SPEF2: variants seen among roughly 807,000 people sequenced by gnomAD.
SPEF2 encodes sperm flagellar and cilia associated 2, also known as sperm flagella and cilia-associated protein 2.
Under a neutral mutation model 224.6 loss-of-function variants are expected in SPEF2, and 187 were observed. The ratio of observed to expected loss-of-function variants is 0.83; its 90% CI spans 0.74 to 0.94. The LOEUF (loss-of-function observed/expected upper bound fraction) is 0.94, where lower values mean the gene tolerates loss of function less well. SPEF2 is among the 40% of genes least tolerant of loss of function. SPEF2 has a pLI of 0.00. For missense variants in SPEF2, 2,170 were observed against 2,135.6 expected (o/e 1.02, Z -0.32); for synonymous variants, 715 against 707.3 (o/e 1.01, Z -0.17).
At chr5:35,782,301 A>T (rs928773733) in intron 30 of SPEF2, among the ~76,000 whole-genome samples, 3 of 152,202 alleles carry the variant, frequency 2.0e-5, no homozygotes, top group Non-Finnish European at 4.4e-5. Context: ...CAAATGTGTG[A>T]TCCTGCAGAA....
intron 8 of SPEF2, among the ~76,000 whole-genome samples, chr5:35,661,673 A>G (rs1375933592): frequency 6.6e-6 from 1 of 151,984 alleles, no homozygotes; most frequent in Non-Finnish European, 1.5e-5. Context: ...GAGAACATGC[A>G]GTATTTGGTT....
At chr5:35,674,013 A>G (rs1751543972) in intron 10 of SPEF2, among the ~76,000 whole-genome samples, 1 of 152,174 alleles carries the variant, frequency 6.6e-6, no homozygotes, top group Non-Finnish European at 1.5e-5. Flanking sequence ...TGGCCCAAAG[A>G]CATCCCTGGA....
At chr5:35,619,619 G>A (rs1305924388) in intron 1 of SPEF2, among the ~76,000 whole-genome samples, 2 of 152,128 alleles carry the variant, frequency 1.3e-5, no homozygotes, top group Non-Finnish European at 2.9e-5. Flanking sequence ...AGAGATTGCA[G>A]TGAGCCGAGA....
intron 30 of SPEF2, among the ~76,000 whole-genome samples, 177 bp downstream of exon 30, chr5:35,779,523 A>AAGC (rs1420548091): frequency 5.3e-5 from 8 of 152,354 alleles, no homozygotes; most frequent in South Asian, 2.1e-4. Flanking sequence ...CTAATTAAAC[A>AAGC]AGCAGGACCC....
At chr5:35,693,080 G>A (rs1754760379) in intron 12 of SPEF2, among the ~76,000 whole-genome samples, 1 of 151,996 alleles carries the variant, frequency 6.6e-6, no homozygotes, top group African/African-American at 2.4e-5. Flanking sequence ...TGGTAAGTGG[G>A]GGTGGGTGAA....
In SPEF2 at chr5:35,695,871, C is replaced by T. The variant is rs975471355; in HGVS notation, c.2037+75C>T. On this transcript the variant is annotated intron_variant, in intron 14 of 36. Transcript: ENST00000356031. ...GATTAATGGTGTTTTGGAGTGTCTTCGAATGCAATGAAATTGCAATGTGCT... is the reference window on the plus strand; with the variant it reads ...GATTAATGGTGTTTTGGAGTGTCTTTGAATGCAATGAAATTGCAATGTGCT... 8 of 1,135,662 alleles carry T rather than the reference C, an allele frequency of 7.0e-6. No homozygotes were observed. The East Asian group carries it at 1.1e-4, about 15-fold the overall frequency. The allele number at this position is 1,135,662 out of a possible 1,614,324, so 70.3% of individuals were successfully genotyped here. A position where few individuals can be genotyped will look rare whatever the true frequency, so the allele number is the denominator to read the frequency against.
At chr5:35,792,111 A>G (rs150558604) in intron 30 of SPEF2, among the ~76,000 whole-genome samples, 48 of 152,272 alleles carry the variant, frequency 3.2e-4, no homozygotes, top group African/African-American at 1.1e-3. Context: ...GGATTTAATT[A>G]TTACTAAGCC....
intron 21 of SPEF2, among the ~76,000 whole-genome samples, chr5:35,733,903 T>C (rs1746093259): frequency 6.6e-6 from 1 of 152,226 alleles, no homozygotes; most frequent in African/African-American, 2.4e-5. Flanking sequence ...TTGCCTCATC[T>C]TTAAATAGTA....
At chr5:35,809,432 G>A (rs774936837) in intron 36 of SPEF2, among the ~76,000 whole-genome samples, 18 of 152,022 alleles carry the variant, frequency 1.2e-4, no homozygotes, top group Non-Finnish European at 1.5e-5. Flanking sequence ...TGCCCAAGAA[G>A]GAATAAGCTA....
At chr5:35,635,843 CTTT>C (rs1213170813) in intron 2 of SPEF2, among the ~76,000 whole-genome samples, 1 of 151,548 alleles carries the variant, frequency 6.6e-6, no homozygotes, top group Non-Finnish European at 1.5e-5. Context: ...GTGTGCTGCA[CTTT>C]TTTTTTCTAA....
intron 17 of SPEF2, 143 bp from the exon 18 acceptor site, chr5:35,705,507 TA>T (rs1739570077): frequency 1.8e-6 from 1 of 564,442 alleles, no homozygotes; most frequent in East Asian, 3.7e-5. Flanking sequence ...TTCTTTAATC[TA>T]AAATAAATAA....
At chr5:35,658,230 T>C (rs575287510) in intron 7 of SPEF2, among the ~76,000 whole-genome samples, 1 of 152,344 alleles carries the variant, frequency 6.6e-6, no homozygotes, top group African/African-American at 2.4e-5. Flanking sequence ...CCAGGTCCTC[T>C]GATTCCCAGT....
chr5:35,809,526 C>T (rs551755149), intron 36 of SPEF2, among the ~76,000 whole-genome samples: 85 of 152,098 alleles, frequency 5.6e-4, no homozygotes, highest in Middle Eastern at 3.4e-3. Context: ...GGTAGGGAGG[C>T]AGCAGAGTCC....
intron 30 of SPEF2, chr5:35,781,702 G>C (rs976008298): frequency 3.3e-5 from 5 of 152,172 alleles, no homozygotes; most frequent in Non-Finnish European, 5.9e-5. Context: ...TTCAAAGTGA[G>C]TTATGTATGG....
intron 30 of SPEF2, chr5:35,790,497 T>C: frequency 2.3e-6 from 1 of 425,618 alleles, no homozygotes; most frequent in Non-Finnish European, 4.1e-6. Flanking sequence ...TCTCTTCACA[T>C]CAAACAAAAG....
intron 1 of SPEF2, among the ~76,000 whole-genome samples, chr5:35,625,696 A>C (rs903431010): frequency 6.6e-6 from 1 of 152,090 alleles, no homozygotes; most frequent in African/African-American, 2.4e-5. Flanking sequence ...TAGGCTAGGG[A>C]GGAGAGAAGG....
chr5:35,705,817 A>G lies in SPEF2; in HGVS notation c.2665+9A>G, dbSNP rs201244079. On this transcript the variant is annotated intron_variant, in intron 18 of 36. Coordinates refer to ENST00000356031, the MANE Select transcript of SPEF2 (RefSeq NM_024867.4). ...AAAAAAAAAGAATAAAGGTATTTACATTTGTTTATAGTTTTGAGTTTAGGC... is the reference window on the plus strand; with the variant it reads ...AAAAAAAAAGAATAAAGGTATTTACGTTTGTTTATAGTTTTGAGTTTAGGC... 2.1e-6 allele frequency: 3 copies of G among 1,437,832 alleles called. No homozygotes were observed. Among genetic ancestry groups the G allele is most frequent in the Non-Finnish European group, 2.8e-6 (3 of 1,060,764 alleles). 89.1% of individuals were successfully genotyped at this position (1,437,832 alleles called of 1,614,324 possible).
chr5:35,651,262 A>G (rs1301636025), intron 6 of SPEF2, among the ~76,000 whole-genome samples: 1 of 152,162 alleles, frequency 6.6e-6, no homozygotes, highest in Non-Finnish European at 1.5e-5. Flanking sequence ...CCTGCATAAA[A>G]TTGGGGTTCT....
At chr5:35,656,583 C>T (rs1306916458) in intron 7 of SPEF2, among the ~76,000 whole-genome samples, 3 of 152,088 alleles carry the variant, frequency 2.0e-5, no homozygotes, top group African/African-American at 7.2e-5. Flanking sequence ...ATGTATGTTC[C>T]AAAGTACTTG....
Sources: gnomAD v4.1 joint callset for allele counts (sites outside exome capture counted in the v4.1 genomes callset) on GRCh38, gnomAD v4.1.1 for gene constraint, MANE v1.5 for transcripts, NCBI Gene and HGNC (gene_info 2026-07-23, HGNC 2026-07-21) for gene names.